Variants in PRR5L observed in about 807,000 individuals in gnomAD.
The protein encoded by PRR5L is proline-rich protein 5-like.
In PRR5L, 21 loss-of-function variants were observed where a neutral mutation model predicts 36.4. That is an observed-to-expected ratio of 0.58 (90% CI 0.41 to 0.83). The LOEUF is 0.83. Ranked by LOEUF, PRR5L falls within the 40% of genes least tolerant of loss-of-function variation. The pLI, the probability that PRR5L is intolerant of heterozygous loss-of-function variation, is 0.00. For missense variants in PRR5L, 381 were observed against 473.3 expected, an observed-to-expected ratio of 0.80 and a Z score of 1.81; for synonymous variants, 188 against 197.0, an observed-to-expected ratio of 0.95 and a Z score of 0.38.
chr11:36,464,880 A>T lies in PRR5L; in HGVS notation c.*2144A>T, dbSNP rs2133645696. On this transcript the variant is annotated 3_prime_UTR_variant, in exon 9 of 9. Coordinates refer to ENST00000530639, the MANE Select transcript of PRR5L (RefSeq NM_001160167.2). ...GTGTCAGTATAGACCCAGTGTACTT[A>T]AGTGCTGATGACTGTTAGCCAGTTT... The T allele has an allele frequency of 6.6e-6, 1 of 152,344 alleles. No homozygotes were observed. The highest frequency in any genetic ancestry group is 2.4e-5 in the African/African-American group (1 of 41,576). 9.4% of individuals were successfully genotyped at this position (152,344 alleles called of 1,614,324 possible). A position where few individuals can be genotyped will look rare whatever the true frequency, so the allele number is the denominator to read the frequency against.
At chr11:36,409,408 G>A (rs1304934748) in intron 3 of PRR5L, among the ~76,000 whole-genome samples, 2 of 152,188 alleles carry the variant, frequency 1.3e-5, no homozygotes, top group Non-Finnish European at 1.5e-5. Context: ...GAGGTGGTGT[G>A]AAGAAAACCC....
At chr11:36,360,054 CA>C (rs1857069324) in intron 1 of PRR5L, among the ~76,000 whole-genome samples, 1 of 114,344 alleles carries the variant, frequency 8.7e-6, no homozygotes. Flanking sequence ...CACACACACA[CA>C]CACACACATA....
chr11:36,316,017 G>A (rs1030690310), intron 1 of PRR5L, among the ~76,000 whole-genome samples: 33 of 152,316 alleles, frequency 2.2e-4, no homozygotes, highest in African/African-American at 6.5e-4. Flanking sequence ...AGGCTTATCG[G>A]GACCAGGACA....
At chr11:36,353,726 A>G (rs931609961) in intron 1 of PRR5L, among the ~76,000 whole-genome samples, 1 of 152,320 alleles carries the variant, frequency 6.6e-6, no homozygotes, top group African/African-American at 2.4e-5. Flanking sequence ...TAGCGCTCCT[A>G]TAAGAATTTA....
At chr11:36,332,428 A>G (rs575325908) in intron 1 of PRR5L, among the ~76,000 whole-genome samples, 10 of 152,158 alleles carry the variant, frequency 6.6e-5, no homozygotes, top group South Asian at 6.2e-4. Context: ...TCTGGCATTA[A>G]ATAAGCCTTG....
chr11:36,309,950 TCCATCATCCCCACTACCACCACCA>T (rs1369360248), intron 1 of PRR5L, among the ~76,000 whole-genome samples: 2 of 248 alleles, frequency 8.1e-3, no homozygotes, highest in African/African-American at 0.01. Context: ...AAAGAATGAC[TCCATCATCCCCACTACCACCACCA>T]CCATCATCCC....
At chr11:36,369,704 C>T (rs1194549104) in intron 1 of PRR5L, among the ~76,000 whole-genome samples, 2 of 152,166 alleles carry the variant, frequency 1.3e-5, no homozygotes, top group African/African-American at 4.8e-5. Flanking sequence ...AAGCGATTCT[C>T]CTGCCTCAGC....
intron 1 of PRR5L, among the ~76,000 whole-genome samples, chr11:36,355,967 G>A (rs1200551482): frequency 3.3e-5 from 5 of 151,112 alleles, no homozygotes; most frequent in Non-Finnish European, 7.4e-5. Flanking sequence ...AAGATGAAGT[G>A]CAGTGGCACA....
At chr11:36,353,139 C>G (rs1238099000) in intron 1 of PRR5L, among the ~76,000 whole-genome samples, 1 of 152,138 alleles carries the variant, frequency 6.6e-6, no homozygotes, top group Non-Finnish European at 1.5e-5. Flanking sequence ...AGCAGCATCT[C>G]TGTCTTGCAC....
intron 1 of PRR5L, among the ~76,000 whole-genome samples, chr11:36,378,366 G>T (rs1201489033): frequency 1.3e-5 from 2 of 152,164 alleles, no homozygotes; most frequent in Non-Finnish European, 2.9e-5. Context: ...GCTGTTTAGA[G>T]CGGTTTCTGT....
intron 7 of PRR5L, among the ~76,000 whole-genome samples, chr11:36,448,547 C>A (rs1858880399): frequency 6.6e-6 from 1 of 152,122 alleles, no homozygotes; most frequent in African/African-American, 2.4e-5. Flanking sequence ...TTCTCCTTGC[C>A]CTTGTGCCCT....
chr11:36,383,631 C>T (rs1363598255), intron 1 of PRR5L, among the ~76,000 whole-genome samples: 5 of 151,966 alleles, frequency 3.3e-5, no homozygotes, highest in African/African-American at 9.7e-5. Context: ...TTCTCTGCTT[C>T]GGTCTGCTGT....
intron 1 of PRR5L, among the ~76,000 whole-genome samples, chr11:36,350,634 G>A (rs906025456): frequency 2.6e-5 from 4 of 151,388 alleles, no homozygotes; most frequent in Admixed American, 2.0e-4. Flanking sequence ...TGGTGCACCC[G>A]TCACGCGAGC....
intron 8 of PRR5L, among the ~76,000 whole-genome samples, chr11:36,457,120 G>A (rs75237534): frequency 0.01 from 1,536 of 152,278 alleles, 14 homozygotes; most frequent in Non-Finnish European, 0.015. Flanking sequence ...ATCATCTGAC[G>A]AATTCTCATT....
chr11:36,437,104 G>C (rs771344983), intron 5 of PRR5L, among the ~76,000 whole-genome samples: 23 of 152,168 alleles, frequency 1.5e-4, no homozygotes, highest in Non-Finnish European at 2.9e-4. Flanking sequence ...AGACTAGTAA[G>C]TTTAGATTAC....
At chr11:36,321,934 G>A (rs1228242444) in intron 1 of PRR5L, among the ~76,000 whole-genome samples, 1 of 152,068 alleles carries the variant, frequency 6.6e-6, no homozygotes, top group Non-Finnish European at 1.5e-5. Flanking sequence ...CGGTCATATG[G>A]GGTTAAAGCC....
At chr11:36,345,857 A>G (rs1856860014) in intron 1 of PRR5L, among the ~76,000 whole-genome samples, 1 of 152,218 alleles carries the variant, frequency 6.6e-6, no homozygotes, top group Non-Finnish European at 1.5e-5. Flanking sequence ...TATCAGGACA[A>G]GATTTTCACT....
At chr11:36,419,426 C>A in intron 4 of PRR5L, 123 bp downstream of exon 4, 1 of 856,784 alleles carries the variant, frequency 1.2e-6, no homozygotes, top group South Asian at 1.4e-5. Context: ...ATCTCAAGTC[C>A]CTGCTGTGTG....
At chr11:36,308,098 T>C (rs1363553498) in intron 1 of PRR5L, among the ~76,000 whole-genome samples, 1 of 152,148 alleles carries the variant, frequency 6.6e-6, no homozygotes, top group African/African-American at 2.4e-5. Context: ...AGGGGGAACA[T>C]TTCCTGAGAA....
Sources: allele counts gnomAD v4.1 joint callset (sites outside exome capture counted in the v4.1 genomes callset), GRCh38; gene constraint gnomAD v4.1.1; transcripts MANE v1.5; gene names NCBI Gene and HGNC (gene_info 2026-07-23, HGNC 2026-07-21).